The following LDB2 variants were observed in gnomAD, a reference collection of about 807,000 sequenced individuals.
The protein encoded by LDB2 is LIM domain-binding protein 2.
In LDB2, 12 loss-of-function variants were observed where a neutral mutation model predicts 44.3. The ratio of observed to expected loss-of-function variants is 0.27; its 90% CI spans 0.17 to 0.44. LDB2 has a LOEUF of 0.44. Ranked by LOEUF, LDB2 falls within the 20% of genes least tolerant of loss-of-function variation. The pLI is 1.00. For synonymous variants in LDB2, 164 were observed against 174.8 expected, an observed-to-expected ratio of 0.94 and a Z score of 0.49; for missense variants, 344 against 473.5, an observed-to-expected ratio of 0.73 and a Z score of 2.54.
intron 2 of LDB2, among the ~76,000 whole-genome samples, chr4:16,657,714 C>G (rs1315178911): frequency 6.6e-6 from 1 of 152,198 alleles, no homozygotes; most frequent in Admixed American, 6.5e-5. Flanking sequence ...TTGCTGTCCT[C>G]TGCGTCTGGA....
chr4:16,766,814 T>C (rs966066821), intron 1 of LDB2, among the ~76,000 whole-genome samples: 6 of 152,080 alleles, frequency 3.9e-5, no homozygotes, highest in Admixed American at 1.3e-4. Context: ...AATTTATATA[T>C]TGGGGTCTCT....
intron 1 of LDB2, among the ~76,000 whole-genome samples, chr4:16,784,753 C>T (rs1354853889): frequency 1.3e-5 from 2 of 152,156 alleles, no homozygotes; most frequent in Non-Finnish European, 2.9e-5. Flanking sequence ...GGTAGCCCAC[C>T]ACTCTCTCCT....
intron 2 of LDB2, among the ~76,000 whole-genome samples, chr4:16,632,685 C>G (rs1732338098): frequency 1.3e-5 from 2 of 152,184 alleles, no homozygotes; most frequent in Non-Finnish European, 1.5e-5. Flanking sequence ...AAAACCCCAT[C>G]CTCTCAGCCC....
chr4:16,732,062 A>G (rs1435679192), intron 2 of LDB2, among the ~76,000 whole-genome samples: 1 of 152,134 alleles, frequency 6.6e-6, no homozygotes, highest in Non-Finnish European at 1.5e-5. Flanking sequence ...AATTTAACCT[A>G]TCAATCTCAA....
chr4:16,523,363 C>T (rs1317600986), intron 5 of LDB2, among the ~76,000 whole-genome samples: 3 of 152,082 alleles, frequency 2.0e-5, no homozygotes, highest in South Asian at 4.1e-4. Context: ...TCATTCTTAC[C>T]GTAGATCTTA....
intron 2 of LDB2, among the ~76,000 whole-genome samples, chr4:16,749,580 A>T (rs1190553804): frequency 2.4e-5 from 3 of 123,576 alleles, no homozygotes; most frequent in Admixed American, 1.6e-4. Flanking sequence ...AAATAAAAAA[A>T]TAAAAAAAAA....
intron 1 of LDB2, among the ~76,000 whole-genome samples, chr4:16,832,692 C>T (rs1784270738): frequency 1.3e-5 from 2 of 152,250 alleles, no homozygotes; most frequent in East Asian, 1.9e-4. Context: ...TTTTGAGCTG[C>T]GTGTTAACAA....
intron 2 of LDB2, among the ~76,000 whole-genome samples, chr4:16,753,164 A>G (rs931018552): frequency 7.9e-5 from 12 of 152,262 alleles, no homozygotes; most frequent in Admixed American, 1.3e-4. Context: ...CATTCCTGCC[A>G]TAGTAGTTAT....
intron 1 of LDB2, among the ~76,000 whole-genome samples, chr4:16,771,123 T>C (rs1358852661): frequency 6.6e-6 from 1 of 152,080 alleles, no homozygotes; most frequent in Non-Finnish European, 1.5e-5. Context: ...GAATAGTTGA[T>C]CAAATGACAA....
At chr4:16,528,237 A>G (rs1297916132) in intron 5 of LDB2, among the ~76,000 whole-genome samples, 1 of 152,204 alleles carries the variant, frequency 6.6e-6, no homozygotes. Context: ...TGAGAGGTTA[A>G]AGACTACAAA....
At chr4:16,699,825 G>A (rs157484) in intron 2 of LDB2, among the ~76,000 whole-genome samples, 1 of 151,926 alleles carries the variant, frequency 6.6e-6, no homozygotes, top group Admixed American at 6.6e-5. Flanking sequence ...TCAGAGGGAC[G>A]AGAATTCCCA....
At chr4:16,527,651 G>A (rs193270430) in intron 5 of LDB2, among the ~76,000 whole-genome samples, 24 of 152,180 alleles carry the variant, frequency 1.6e-4, no homozygotes, top group African/African-American at 4.1e-4. Flanking sequence ...TTGCAATTGC[G>A]AAAATGTGGA....
intron 1 of LDB2, among the ~76,000 whole-genome samples, chr4:16,896,350 G>T (rs748052475): frequency 2.6e-5 from 4 of 152,070 alleles, no homozygotes; most frequent in Non-Finnish European, 5.9e-5. Flanking sequence ...GCGAAAGGAG[G>T]TCTTTTCAAA....
At chr4:16,590,613 T>C (rs1718597739) in intron 3 of LDB2, among the ~76,000 whole-genome samples, 1 of 152,244 alleles carries the variant, frequency 6.6e-6, no homozygotes, top group African/African-American at 2.4e-5. Context: ...CAAGTGTTGA[T>C]GGGACACTAC....
chr4:16,826,745 C>T (rs1783126678), intron 1 of LDB2, among the ~76,000 whole-genome samples: 1 of 151,756 alleles, frequency 6.6e-6, no homozygotes, highest in African/African-American at 2.4e-5. Flanking sequence ...ATTCATTTGA[C>T]TGCAAATGCT....
At chr4:16,744,501 G>A (rs1232374430) in intron 2 of LDB2, among the ~76,000 whole-genome samples, 1 of 150,572 alleles carries the variant, frequency 6.6e-6, no homozygotes, top group East Asian at 2.0e-4. Context: ...TTGAGACGGA[G>A]TCTCACTCTG....
intron 2 of LDB2, among the ~76,000 whole-genome samples, chr4:16,743,271 T>C (rs1354480471): frequency 2.0e-5 from 3 of 152,080 alleles, no homozygotes; most frequent in East Asian, 1.9e-4. Context: ...GCCTGGGTGA[T>C]AGAGTGAGAC....
chr4:16,776,090 C>G (rs534880125), intron 1 of LDB2, among the ~76,000 whole-genome samples: 1 of 152,182 alleles, frequency 6.6e-6, no homozygotes, highest in African/African-American at 2.4e-5. Flanking sequence ...TCGCTTTCCC[C>G]CTTCCATCTC....
chr4:16,658,974 G>A (rs1740700935), intron 2 of LDB2, among the ~76,000 whole-genome samples: 1 of 152,154 alleles, frequency 6.6e-6, no homozygotes, highest in Admixed American at 6.6e-5. Context: ...CAAGTCTTAA[G>A]CAAGAAATAA....
Sources: allele counts gnomAD v4.1 joint callset (sites outside exome capture counted in the v4.1 genomes callset), GRCh38; gene constraint gnomAD v4.1.1; transcripts MANE v1.5; gene names NCBI Gene and HGNC (gene_info 2026-07-23, HGNC 2026-07-21).